The following CRACDL variants were observed in gnomAD, a reference collection of about 807,000 sequenced individuals.
The protein encoded by CRACDL is CRACD-like protein.
Under a neutral mutation model 70.6 loss-of-function variants are expected in CRACDL, and 26 were observed. The observed-to-expected ratio is 0.37, with a 90% confidence interval of 0.27 to 0.51. The LOEUF is 0.51. CRACDL is among the 20% of genes least tolerant of loss of function. CRACDL has a pLI of 0.94. For missense variants in CRACDL, 1,283 were observed against 1,376.9 expected, an observed-to-expected ratio of 0.93 and a Z score of 1.08; for synonymous variants, 618 against 615.2, an observed-to-expected ratio of 1.00 and a Z score of -0.07.
intron 1 of CRACDL, among the ~76,000 whole-genome samples, chr2:98,918,948 G>A (rs1050203080): frequency 6.6e-6 from 1 of 152,066 alleles, no homozygotes; most frequent in African/African-American, 2.4e-5. Context: ...AGTCTCATTT[G>A]TCTATTTTTG....
chr2:98,921,681 C>A (rs111974031), intron 1 of CRACDL, among the ~76,000 whole-genome samples: 1 of 152,184 alleles, frequency 6.6e-6, no homozygotes, highest in African/African-American at 2.4e-5. Flanking sequence ...AAGGCTGAGG[C>A]CCCTGAGCAC....
At chr2:98,842,174 C>T (rs532159371) in intron 2 of CRACDL, among the ~76,000 whole-genome samples, 1 of 152,184 alleles carries the variant, frequency 6.6e-6, no homozygotes, top group South Asian at 2.1e-4. Flanking sequence ...CACTTACTCT[C>T]TATGCCCCTT....
At chr2:98,924,396 C>T (rs566840423) in intron 1 of CRACDL, among the ~76,000 whole-genome samples, 1 of 152,342 alleles carries the variant, frequency 6.6e-6, no homozygotes, top group African/African-American at 2.4e-5. Context: ...CACCTCAAAA[C>T]AAAGATAATC....
At chr2:98,871,259 G>T (rs1347435555) in intron 1 of CRACDL, among the ~76,000 whole-genome samples, 1 of 152,234 alleles carries the variant, frequency 6.6e-6, no homozygotes, top group African/African-American at 2.4e-5. Flanking sequence ...AATATCTTAT[G>T]CAAGGACATC....
At chr2:98,926,119 C>T (rs1708903972) in intron 1 of CRACDL, among the ~76,000 whole-genome samples, 1 of 152,142 alleles carries the variant, frequency 6.6e-6, no homozygotes, top group South Asian at 2.1e-4. Flanking sequence ...ACAATCAACA[C>T]TTACCCCTCA....
Position 98,797,334 on chromosome 2 carries a change from T to A in CRACDL, c.2604+16A>T. ...CCCTCCTGCACCCACAGAACAGAAG[T>A]ATTTGCTCTAAGCACCTGGCCTCTC... is the stretch of plus-strand genomic sequence containing the variant. On this transcript the variant is annotated intron_variant, in intron 8 of 9. Transcript: ENST00000397899. The A allele has an allele frequency of 6.2e-7, 1 of 1,613,170 alleles. No individual in the cohort carries two copies. Among genetic ancestry groups the A allele is most frequent in the Non-Finnish European group, 8.5e-7 (1 of 1,179,408 alleles).
chr2:98,825,997 G>A (rs1291026331), intron 6 of CRACDL, among the ~76,000 whole-genome samples: 1 of 152,178 alleles, frequency 6.6e-6, no homozygotes, highest in Non-Finnish European at 1.5e-5. Flanking sequence ...AAGGACAGAG[G>A]ACATTAGCCT....
At chr2:98,815,039 C>A (rs1167755792) in intron 7 of CRACDL, among the ~76,000 whole-genome samples, 4 of 151,918 alleles carry the variant, frequency 2.6e-5, no homozygotes, top group Non-Finnish European at 5.9e-5. Context: ...ATCTTTATAG[C>A]TTCTATTTTT....
intron 7 of CRACDL, among the ~76,000 whole-genome samples, chr2:98,816,593 A>G (rs1704792625): frequency 6.6e-6 from 1 of 152,196 alleles, no homozygotes; most frequent in Admixed American, 6.5e-5. Flanking sequence ...CAAGAAGTCA[A>G]GGGAAGCAAG....
intron 9 of CRACDL, among the ~76,000 whole-genome samples, chr2:98,795,077 A>ATATATATTTTTTTT: frequency 4.6e-4 from 27 of 58,472 alleles, no homozygotes; most frequent in African/African-American, 8.6e-4. Context: ...ATATATATAT[A>ATATATATTTTTTTT]TTTTTTTTTT....
At chr2:98,808,796 T>C (rs544675832) in intron 7 of CRACDL, among the ~76,000 whole-genome samples, 17 of 152,262 alleles carry the variant, frequency 1.1e-4, no homozygotes, top group African/African-American at 3.9e-4. Context: ...GCACAGAGGG[T>C]CTCAGCGCCC....
At position 98,823,228 on chromosome 2, in the gene CRACDL, TG is replaced by T; in HGVS notation, c.1044del (p.Thr349LeufsTer150). Reference protein sequence around the residue: ...TPELAEPESAPTLRVEPPSPP... With the variant: ...TPELAEPESAXTLRVEPPSPP... ...GGGGACGGGGGCTCCACGCGGAGAG[TG>T]GGGGCCGACTCGGGCTCGGCGAGCT... is the stretch of plus-strand genomic sequence containing the variant. On this transcript the variant is annotated frameshift_variant, in exon 7 of 10. Transcript: ENST00000397899. LOFTEE classifies it high-confidence loss of function. The surrounding 1 kb of genome is among the most constrained non-coding windows in gnomAD (Gnocchi z 4.0). The T allele has an allele frequency of 7.1e-7, 1 of 1,407,324 alleles. No homozygotes were observed. Among genetic ancestry groups the T allele is most frequent in the Non-Finnish European group, 9.2e-7 (1 of 1,085,682 alleles). 87.2% of individuals were successfully genotyped at this position (1,407,324 alleles called of 1,614,324 possible).
chr2:98,915,428 T>C (rs1407574581), intron 1 of CRACDL, among the ~76,000 whole-genome samples: 1 of 151,916 alleles, frequency 6.6e-6, no homozygotes, highest in Non-Finnish European at 1.5e-5. Flanking sequence ...GAGCAGGCCA[T>C]GGGACCATAG....
At chr2:98,803,550 A>G (rs1380513071) in intron 7 of CRACDL, among the ~76,000 whole-genome samples, 1 of 152,244 alleles carries the variant, frequency 6.6e-6, no homozygotes, top group Admixed American at 6.5e-5. Flanking sequence ...ATAAAGGAGA[A>G]AAAAGCTTCC....
intron 1 of CRACDL, among the ~76,000 whole-genome samples, chr2:98,889,311 GAAA>G (rs1342524241): frequency 0.019 from 1,149 of 59,924 alleles, 15 homozygotes; most frequent in Middle Eastern, 0.033. Context: ...AAGAAAGAAA[GAAA>G]GAAAGAAAGA....
intron 2 of CRACDL, among the ~76,000 whole-genome samples, chr2:98,843,097 G>A (rs898802643): frequency 3.9e-5 from 6 of 152,058 alleles, no homozygotes; most frequent in South Asian, 2.1e-4. Flanking sequence ...CGTTTAATAC[G>A]TGTGTCCTGG....
rs146182224 is a variant in CRACDL at position 98,924,933 on chromosome 2, A to G, written c.-11+11005T>C. Among the ~76,000 whole-genome samples the G allele has an allele frequency of 2.6e-3, 399 of 152,328 alleles. 2 individuals are homozygous for G. Among genetic ancestry groups the G allele is most frequent in the African/African-American group, 9.3e-3 (386 of 41,578 alleles). ...TGCCTTTCCTTCTCCCTACAGCCCT[A>G]GGAGGCAGGTGCCACAACCTCGCAG... On this transcript the variant is annotated intron_variant, in intron 1 of 9. Coordinates refer to ENST00000397899, the MANE Select transcript of CRACDL (RefSeq NM_207362.3).
rs186934127 is a variant in CRACDL, at chr2:98,868,127, A to G, written c.-10-21317T>C. 1.1e-4 allele frequency among the ~76,000 whole-genome samples: 16 copies of G among 152,338 alleles called. No individual in the cohort carries two copies. In the East Asian group the frequency reaches 2.9e-3, roughly 28 times the overall value. ...GTAACAATGATGATGACTTATATGC[A>G]CAGGGTTTTACCCAGTACAAGGCCC... is the stretch of plus-strand genomic sequence containing the variant. On this transcript the variant is annotated intron_variant, in intron 1 of 9. Coordinates refer to ENST00000397899, the MANE Select transcript of CRACDL (RefSeq NM_207362.3).
intron 7 of CRACDL, among the ~76,000 whole-genome samples, chr2:98,807,608 G>T (rs1179896023): frequency 6.6e-6 from 1 of 152,234 alleles, no homozygotes; most frequent in African/African-American, 2.4e-5. Flanking sequence ...CTCCTCCACA[G>T]TTTACTAGCT....
Sources: gnomAD v4.1 joint callset for allele counts (sites outside exome capture counted in the v4.1 genomes callset) on GRCh38, gnomAD v4.1.1 for gene constraint, Gnocchi (gnomAD v3.1) non-coding constraint, MANE v1.5 for transcripts, NCBI Gene and HGNC (gene_info 2026-07-23, HGNC 2026-07-21) for gene names.